MTHFD1L: variants seen among roughly 807,000 people sequenced by gnomAD.
MTHFD1L encodes monofunctional C1-tetrahydrofolate synthase, mitochondrial.
Under a neutral mutation model 119.5 loss-of-function variants are expected in MTHFD1L, and 81 were observed. The ratio of observed to expected loss-of-function variants is 0.68; its 90% CI spans 0.57 to 0.82. The LOEUF is 0.82. Among genes scored for constraint, MTHFD1L ranks in the 40% least tolerant of loss-of-function variants. The probability of loss-of-function intolerance (pLI) is 0.00; values close to 1 mark genes in which losing one functional copy is unlikely to be tolerated. For missense variants in MTHFD1L, 1,125 were observed against 1,253.4 expected, an observed-to-expected ratio of 0.90 and a Z score of 1.55; for synonymous variants, 430 against 475.2, an observed-to-expected ratio of 0.90 and a Z score of 1.24.
At position 151,055,267 on chromosome 6, in the gene MTHFD1L, GA is replaced by G. The variant is rs536961476; in HGVS notation, c.2847+18162del. On this transcript the variant is annotated intron_variant, in intron 26 of 27. Transcript: ENST00000367321. ...TGACAGAGGGAGACTCCGTCTCAAGGAAAAAAAAAAAACTTAACTAGAACAT... is the reference window on the plus strand; with the variant it reads ...TGACAGAGGGAGACTCCGTCTCAAGGAAAAAAAAAAACTTAACTAGAACAT... Among the ~76,000 whole-genome samples, 97 of 144,686 alleles carry G rather than the reference GA, an allele frequency of 6.7e-4. 1 individual carries two copies. The highest frequency in any genetic ancestry group is 1.6e-3 in the African/African-American group (64 of 39,740). The allele number at this position is 144,686 out of a possible 152,430, so 94.9% of individuals were successfully genotyped here.
rs189175246 is a variant in MTHFD1L at position 150,961,196 on chromosome 6, C to T, written c.1944+781C>T. Among the ~76,000 whole-genome samples the T allele has an allele frequency of 6.3e-4, 95 of 150,974 alleles. 1 individual carries two copies. The highest frequency in any genetic ancestry group is 5.9e-3 in the Admixed American group (89 of 15,108). On this transcript the variant is annotated intron_variant, in intron 18 of 27. Coordinates refer to ENST00000367321, the MANE Select transcript of MTHFD1L (RefSeq NM_015440.5). ...GCAGCCCCTGCCTCCCGGATTCAAG[C>T]GATTCTCCTGCCTCCGCCTCCTGAG...
chr6:150,944,520 T>A lies in MTHFD1L; in HGVS notation c.1475T>A (p.Ile492Asn). 6.2e-7 allele frequency: 1 copy of A among 1,614,042 alleles called. No homozygotes were observed. The highest frequency in any genetic ancestry group is 8.5e-7 in the Non-Finnish European group (1 of 1,179,984). ...CACTTGACTGGAGACATCCACGCCA[T>A]CACCGCTGCCAATAACTTGCTGGCT... is the stretch of plus-strand genomic sequence containing the variant. Reference protein sequence around the residue: ...NLHLTGDIHAITAANNLLAAA... With the variant: ...NLHLTGDIHANTAANNLLAAA... The change falls in exon 14 of 28, where the codon ATC becomes AAC. Residue 492 changes from isoleucine to asparagine, a missense_variant. Physicochemically the swap from Ile to Asn is moderately radical, Grantham distance 149 (BLOSUM62 -3). Coordinates refer to ENST00000367321, the MANE Select transcript of MTHFD1L (RefSeq NM_015440.5).
At chr6:150,983,874 G>A (rs1204710988) in intron 20 of MTHFD1L, among the ~76,000 whole-genome samples, 1 of 151,984 alleles carries the variant, frequency 6.6e-6, no homozygotes, top group Non-Finnish European at 1.5e-5. Context: ...GGGCTCGAGC[G>A]ATCCTCCCAC....
chr6:150,963,059 G>A (rs532397188), intron 18 of MTHFD1L, among the ~76,000 whole-genome samples: 112 of 152,056 alleles, frequency 7.4e-4, no homozygotes, highest in Non-Finnish European at 6.6e-4. Context: ...GGGATGACAG[G>A]CACCTGCCAC....
intron 19 of MTHFD1L, among the ~76,000 whole-genome samples, chr6:150,971,143 A>G (rs1420687246): frequency 6.6e-6 from 1 of 152,100 alleles, no homozygotes; most frequent in African/African-American, 2.4e-5. Context: ...CCAGTTAGAC[A>G]CCACCTGTGT....
chr6:150,989,343 A>G (rs1583982128), intron 20 of MTHFD1L, among the ~76,000 whole-genome samples: 1 of 152,186 alleles, frequency 6.6e-6, no homozygotes, highest in South Asian at 2.1e-4. Context: ...AACCCTGAAG[A>G]CGCATCCAGT....
intron 19 of MTHFD1L, among the ~76,000 whole-genome samples, chr6:150,969,897 A>T (rs2129016376): frequency 6.6e-6 from 1 of 152,316 alleles, no homozygotes; most frequent in South Asian, 2.1e-4. Context: ...TTTAAAAGAT[A>T]TGGACCTTTT....
At chr6:150,898,132 C>T (rs953935421) in intron 7 of MTHFD1L, among the ~76,000 whole-genome samples, 3 of 152,202 alleles carry the variant, frequency 2.0e-5, no homozygotes, top group Non-Finnish European at 4.4e-5. Context: ...GCATGAGCCA[C>T]CGCGCCTGGC....
intron 20 of MTHFD1L, among the ~76,000 whole-genome samples, chr6:150,994,074 A>AG (rs1779414159): frequency 6.8e-6 from 1 of 146,038 alleles, no homozygotes; most frequent in African/African-American, 2.7e-5. Flanking sequence ...TAAAAAAAAA[A>AG]AAAAAAGAAA....
intron 8 of MTHFD1L, among the ~76,000 whole-genome samples, chr6:150,917,569 G>T (rs1384358780): frequency 6.6e-6 from 1 of 152,082 alleles, no homozygotes; most frequent in Non-Finnish European, 1.5e-5. Context: ...TAAAGGTTAG[G>T]ATATGAAGTC....
At position 151,013,876 on chromosome 6, in the gene MTHFD1L, T is replaced by C. The variant is rs971582407; in HGVS notation, c.2307+56T>C. On this transcript the variant is annotated intron_variant, in intron 22 of 27. Transcript: ENST00000367321. Reference sequence around the variant, plus strand: ...AGAATCTCTTAAATCCAGTGACTCGTTGGCTTTCAGTGAATGAGCCCTCCT... The same window carrying C: ...AGAATCTCTTAAATCCAGTGACTCGCTGGCTTTCAGTGAATGAGCCCTCCT... 4.2e-5 allele frequency: 63 copies of C among 1,515,142 alleles called. 1 individual carries two copies. Among genetic ancestry groups the C allele is most frequent in the East Asian group, 1.8e-4 (8 of 44,382 alleles). The allele number at this position is 1,515,142 out of a possible 1,614,324, so 93.9% of individuals were successfully genotyped here.
intron 9 of MTHFD1L, among the ~76,000 whole-genome samples, chr6:150,920,704 A>T (rs1788748743): frequency 6.6e-6 from 1 of 152,074 alleles, no homozygotes; most frequent in African/African-American, 2.4e-5. Context: ...TCTAAATTGG[A>T]TGACGAACCT....
chr6:151,065,795 C>G (rs749507031), intron 26 of MTHFD1L, among the ~76,000 whole-genome samples: 2 of 152,250 alleles, frequency 1.3e-5, no homozygotes, highest in Non-Finnish European at 2.9e-5. Context: ...CCCACCTGCA[C>G]CACATGCGGT....
At chr6:150,940,342 G>A (rs1039438940) in intron 13 of MTHFD1L, among the ~76,000 whole-genome samples, 1 of 152,182 alleles carries the variant, frequency 6.6e-6, no homozygotes, top group African/African-American at 2.4e-5. Context: ...GAGTGGGGGT[G>A]AGAAAGAGTA....
At chr6:150,973,309 C>T (rs1246849777) in intron 20 of MTHFD1L, among the ~76,000 whole-genome samples, 2 of 152,226 alleles carry the variant, frequency 1.3e-5, no homozygotes, top group Non-Finnish European at 2.9e-5. Context: ...GACTGGCAGT[C>T]AGGATCAGAT....
intron 1 of MTHFD1L, among the ~76,000 whole-genome samples, chr6:150,871,020 A>C (rs1469880206): frequency 6.9e-6 from 1 of 145,854 alleles, no homozygotes; most frequent in East Asian, 2.0e-4. Context: ...ATATAATTAT[A>C]TATACCTTAA....
At position 150,983,514 on chromosome 6, in the gene MTHFD1L, C is replaced by A. The variant is rs113210893; in HGVS notation, c.2125+11456C>A. On this transcript the variant is annotated intron_variant, in intron 20 of 27. Transcript: ENST00000367321. The stretch of plus-strand genomic sequence containing the variant: ...ATCTAAGGCAGCCGAGAGTGCTGTC[C>A]CCTTTGTCCCAGGCTCTGCAGCATC... Among the ~76,000 whole-genome samples the A allele has an allele frequency of 4.6e-5, 7 of 152,226 alleles. No homozygotes were observed. The East Asian group carries it at 1.4e-3, about 29-fold the overall frequency.
rs1048273649 is a variant in MTHFD1L at position 150,866,515 on chromosome 6, G to A, written c.227+466G>A. ...AGGGCAAGCGGAGCTCGGGAGAGGCGGGCTCGGGCCCAGCGCCGCCCGCGC... is the reference window on the plus strand; with the variant it reads ...AGGGCAAGCGGAGCTCGGGAGAGGCAGGCTCGGGCCCAGCGCCGCCCGCGC... On this transcript the variant is annotated intron_variant, in intron 1 of 27. Coordinates refer to ENST00000367321, the MANE Select transcript of MTHFD1L (RefSeq NM_015440.5). 3.9e-6 allele frequency: 5 copies of A among 1,290,458 alleles called. No homozygotes were observed. The African/African-American group carries it at 7.8e-5, about 20-fold the overall frequency. 79.9% of individuals were successfully genotyped at this position (1,290,458 alleles called of 1,614,324 possible).
chr6:150,875,429 G>T (rs375113592), intron 1 of MTHFD1L, among the ~76,000 whole-genome samples: 1 of 152,092 alleles, frequency 6.6e-6, no homozygotes, highest in Non-Finnish European at 1.5e-5. Flanking sequence ...CTGCTGCTGG[G>T]CATTTAGGAG....
Sources: gnomAD v4.1 joint callset for allele counts (sites outside exome capture counted in the v4.1 genomes callset) on GRCh38, gnomAD v4.1.1 for gene constraint, MANE v1.5 for transcripts, NCBI Gene and HGNC (gene_info 2026-07-23, HGNC 2026-07-21) for gene names.